Variants in UNC13B observed in about 807,000 individuals in gnomAD.
The protein encoded by UNC13B is protein unc-13 homolog B.
Under a neutral mutation model 211.0 loss-of-function variants are expected in UNC13B, and 144 were observed. That is an observed-to-expected ratio of 0.68 (90% CI 0.60 to 0.78). The LOEUF (loss-of-function observed/expected upper bound fraction) is 0.78, where lower values mean the gene tolerates loss of function less well. Ranked by LOEUF, UNC13B falls within the 30% of genes least tolerant of loss-of-function variation. UNC13B has a pLI of 0.00. For synonymous variants in UNC13B, 709 were observed against 725.8 expected (o/e 0.98, Z 0.37); for missense variants, 1,777 against 2,002.0 (o/e 0.89, Z 2.14).
At chr9:35,388,417 G>A (rs1835322495) in intron 24 of UNC13B, among the ~76,000 whole-genome samples, 1 of 151,938 alleles carries the variant, frequency 6.6e-6, no homozygotes, top group Non-Finnish European at 1.5e-5. Context: ...CAAAAAAAAA[G>A]ACAAAATAAA....
intron 7 of UNC13B, among the ~76,000 whole-genome samples, chr9:35,279,545 G>A (rs1828368686): frequency 6.6e-6 from 1 of 151,978 alleles, no homozygotes. Flanking sequence ...CAGTTCTTTT[G>A]GGTATATACT....
At chr9:35,395,090 G>A (rs1835786269) in intron 26 of UNC13B, among the ~76,000 whole-genome samples, 1 of 152,238 alleles carries the variant, frequency 6.6e-6, no homozygotes, top group Admixed American at 6.5e-5. Flanking sequence ...AGGGGATGGG[G>A]GTGGAGGAGA....
intron 1 of UNC13B, among the ~76,000 whole-genome samples, chr9:35,193,170 G>A (rs1237345097): frequency 6.6e-6 from 1 of 152,164 alleles, no homozygotes; most frequent in Non-Finnish European, 1.5e-5. Flanking sequence ...TGCGACAGTT[G>A]CATTTGGGCA....
At chr9:35,343,274 G>T (rs187028902) in intron 11 of UNC13B, among the ~76,000 whole-genome samples, 3 of 152,318 alleles carry the variant, frequency 2.0e-5, no homozygotes, top group Non-Finnish European at 2.9e-5. Flanking sequence ...CATATAAACT[G>T]AAAATTCTAA....
intron 2 of UNC13B, among the ~76,000 whole-genome samples, chr9:35,229,693 C>G (rs1825088874): frequency 6.6e-6 from 1 of 151,988 alleles, no homozygotes; most frequent in Non-Finnish European, 1.5e-5. Flanking sequence ...TACTGCACTA[C>G]TACTACTACT....
At chr9:35,229,484 G>A (rs1825072907) in intron 2 of UNC13B, among the ~76,000 whole-genome samples, 1 of 152,016 alleles carries the variant, frequency 6.6e-6, no homozygotes, top group Admixed American at 6.6e-5. Flanking sequence ...TTTAGCTTCA[G>A]CACCAACCAC....
chr9:35,280,425 G>A, intron 7 of UNC13B, among the ~76,000 whole-genome samples: 1 of 152,124 alleles, frequency 6.6e-6, no homozygotes, highest in East Asian at 1.9e-4. Context: ...TTGGGGAGTG[G>A]GAAGTAAAGG....
At chr9:35,376,007 G>A (rs370604099) in intron 14 of UNC13B, 21 bp from the exon 15 acceptor site, 1 of 1,612,710 alleles carries the variant, frequency 6.2e-7, no homozygotes, top group Non-Finnish European at 8.5e-7. Context: ...AAAATCATGG[G>A]ATGGGGTATG....
chr9:35,354,775 A>G (rs143190227), intron 11 of UNC13B, among the ~76,000 whole-genome samples: 2 of 152,338 alleles, frequency 1.3e-5, no homozygotes, highest in Non-Finnish European at 2.9e-5. Context: ...GGGAATATGC[A>G]CTTGTACGTT....
intron 1 of UNC13B, among the ~76,000 whole-genome samples, chr9:35,221,995 C>T (rs1199401535): frequency 6.6e-6 from 1 of 152,128 alleles, no homozygotes; most frequent in East Asian, 1.9e-4. Flanking sequence ...TCTGAACTTT[C>T]TAATTTTTTC....
Position 35,202,376 on chromosome 9 carries a change from C to CT in UNC13B, c.23-25637dup, listed in dbSNP as rs574469801. 7.2e-5 allele frequency among the ~76,000 whole-genome samples: 11 copies of CT among 152,144 alleles called. No homozygotes were observed. In the East Asian group the frequency reaches 2.1e-3, roughly 29 times the overall value. The stretch of plus-strand genomic sequence containing the variant: ...GGTCCGCTTGGTGCAGAGTTCAATT[C>CT]TTGGTGAGTTCAATTCCTGGATATC... On this transcript the variant is annotated intron_variant, in intron 1 of 39. Transcript: ENST00000635942.
chr9:35,268,452 TAC>T (rs1827695600), intron 7 of UNC13B, among the ~76,000 whole-genome samples: 1 of 152,126 alleles, frequency 6.6e-6, no homozygotes, highest in African/African-American at 2.4e-5. Context: ...ACCCCATCTA[TAC>T]TAAAAATACA....
At chr9:35,252,246 T>A (rs1378928682) in intron 6 of UNC13B, among the ~76,000 whole-genome samples, 1 of 152,238 alleles carries the variant, frequency 6.6e-6, no homozygotes, top group Admixed American at 6.5e-5. Flanking sequence ...TATGATGTTT[T>A]CCCATCAGCC....
At position 35,399,168 on chromosome 9, in the gene UNC13B, C is replaced by T. The variant is rs1836106076; in HGVS notation, c.12082C>T (p.Leu4028Phe). Residue 4028 changes from leucine to phenylalanine, a missense_variant, in exon 34 of 40, where the codon CTC (leucine) becomes TTC (phenylalanine). By Grantham distance (22) the Leu-to-Phe change is conservative. Transcript: ENST00000635942. ...TGTTGCCTGGACTTGCAGCCTCACC[C>T]TCTTTGCCACTGTGTGTGAGAAGAC... ...LMDFLDGNLT[L>F]FATVCEKTVL... 1.9e-6 allele frequency: 3 copies of T among 1,614,188 alleles called. No individual in the cohort carries two copies. Among genetic ancestry groups the T allele is most frequent in the Non-Finnish European group, 2.5e-6 (3 of 1,180,040 alleles).
At chr9:35,316,880 A>T (rs138880703) in intron 11 of UNC13B, among the ~76,000 whole-genome samples, 1 of 152,194 alleles carries the variant, frequency 6.6e-6, no homozygotes, top group Non-Finnish European at 1.5e-5. Flanking sequence ...TCATTCTATA[A>T]CAAAATATTA....
chr9:35,247,027 G>A (rs912940657), intron 6 of UNC13B, among the ~76,000 whole-genome samples: 34 of 151,952 alleles, frequency 2.2e-4, no homozygotes, highest in African/African-American at 8.2e-4. Flanking sequence ...TTTTTATTTT[G>A]TTGAGCAGTG....
chr9:35,295,649 A>T, intron 7 of UNC13B, 47 bp from the exon 8 acceptor site: 1 of 1,565,088 alleles, frequency 6.4e-7, no homozygotes, highest in Non-Finnish European at 8.8e-7. Context: ...AATTCTGAAG[A>T]ACTAAATAAA....
chr9:35,240,873 G>A (rs1253814830), intron 5 of UNC13B, among the ~76,000 whole-genome samples: 2 of 151,912 alleles, frequency 1.3e-5, no homozygotes, highest in African/African-American at 4.8e-5. Context: ...GACCAACATG[G>A]TGAAACCCCA....
At chr9:35,360,421 G>A (rs1302231750) in intron 11 of UNC13B, 3 of 152,224 alleles carry the variant, frequency 2.0e-5, no homozygotes, top group African/African-American at 7.2e-5. Context: ...TTTACCCAGT[G>A]TGGAGTTGTG....
Sources: allele counts gnomAD v4.1 joint callset (sites outside exome capture counted in the v4.1 genomes callset), GRCh38; gene constraint gnomAD v4.1.1; transcripts MANE v1.5; gene names NCBI Gene and HGNC (gene_info 2026-07-23, HGNC 2026-07-21).